The following PCDH7 variants were observed in gnomAD, a reference collection of about 807,000 sequenced individuals.
PCDH7 encodes the protein protocadherin-7.
PCDH7 carries 17 observed loss-of-function variants against 58.9 expected under a neutral mutation model. The ratio of observed to expected loss-of-function variants is 0.29; its 90% CI spans 0.20 to 0.43. PCDH7 has a LOEUF of 0.43. PCDH7 is among the 20% of genes least tolerant of loss of function. PCDH7 has a pLI of 1.00. For synonymous variants in PCDH7, 664 were observed against 616.4 expected (o/e 1.08, Z -1.14); for missense variants, 1,274 against 1,441.0 (o/e 0.88, Z 1.88).
chr4:30,988,215 A>G (rs181803904), intron 3 of PCDH7, among the ~76,000 whole-genome samples: 152 of 152,322 alleles, frequency 1.0e-3, no homozygotes, highest in African/African-American at 3.6e-3. Context: ...ATGTGATAGG[A>G]AATGAGGGAT....
chr4:30,890,379 G>A (rs568555006), intron 1 of PCDH7, among the ~76,000 whole-genome samples: 2 of 151,518 alleles, frequency 1.3e-5, no homozygotes, highest in African/African-American at 4.8e-5. Context: ...CATTTTAATT[G>A]CATGCTTAAC....
chr4:30,759,291 C>G (rs1719730784), intron 1 of PCDH7, among the ~76,000 whole-genome samples: 2 of 152,058 alleles, frequency 1.3e-5, no homozygotes, highest in African/African-American at 4.8e-5. Flanking sequence ...CAGCATTCTT[C>G]TTTATGGATA....
intron 3 of PCDH7, among the ~76,000 whole-genome samples, chr4:31,137,411 C>A (rs1199918112): frequency 6.6e-6 from 1 of 152,078 alleles, no homozygotes; most frequent in African/African-American, 2.4e-5. Context: ...GGCCAAACCT[C>A]ATCTCTACTA....
chr4:30,835,006 A>T (rs534547688), intron 1 of PCDH7, among the ~76,000 whole-genome samples: 1 of 152,244 alleles, frequency 6.6e-6, no homozygotes, highest in South Asian at 2.1e-4. Flanking sequence ...AAGTGAGAAT[A>T]GGAGAGCCAT....
At chr4:31,031,947 A>G (rs1180949451) in intron 3 of PCDH7, among the ~76,000 whole-genome samples, 1 of 152,214 alleles carries the variant, frequency 6.6e-6, no homozygotes, top group Non-Finnish European at 1.5e-5. Flanking sequence ...ATTACACATA[A>G]GTAGTACGTA....
chr4:30,853,995 T>C (rs1733122147), intron 1 of PCDH7, among the ~76,000 whole-genome samples: 1 of 152,018 alleles, frequency 6.6e-6, no homozygotes, highest in South Asian at 2.1e-4. Flanking sequence ...GTGATGATAG[T>C]AAATACCAGT....
intron 1 of PCDH7, among the ~76,000 whole-genome samples, chr4:30,849,038 T>C (rs565671271): frequency 1.5e-4 from 23 of 152,308 alleles, no homozygotes; most frequent in Admixed American, 1.1e-3. Context: ...TTAATAACAC[T>C]TATGGCCTTT....
At chr4:30,953,085 T>C (rs1747523204) in intron 3 of PCDH7, among the ~76,000 whole-genome samples, 1 of 152,124 alleles carries the variant, frequency 6.6e-6, no homozygotes, top group Non-Finnish European at 1.5e-5. Flanking sequence ...ACAAATCCCG[T>C]CTTAGATTGT....
chr4:31,053,839 T>C (rs1041603195), intron 3 of PCDH7, among the ~76,000 whole-genome samples: 2 of 151,932 alleles, frequency 1.3e-5, no homozygotes, highest in Non-Finnish European at 2.9e-5. Context: ...TAACAAAGTA[T>C]ATAAAATAAT....
chr4:31,067,265 C>T (rs1407394453), intron 3 of PCDH7, among the ~76,000 whole-genome samples: 1 of 151,296 alleles, frequency 6.6e-6, no homozygotes, highest in Non-Finnish European at 1.5e-5. Flanking sequence ...TGATTGGGAC[C>T]TACAACAAGG....
At chr4:30,878,433 G>T (rs896525021) in intron 1 of PCDH7, among the ~76,000 whole-genome samples, 3 of 152,110 alleles carry the variant, frequency 2.0e-5, no homozygotes, top group African/African-American at 7.2e-5. Flanking sequence ...TGTACTAGGA[G>T]GGAGAATGGT....
chr4:31,142,561 G>T (rs571031418), exon 4 of PCDH7: 28 of 1,367,494 alleles, frequency 2.0e-5, no homozygotes, highest in Non-Finnish European at 2.6e-5. Context: ...GCTGGATGCC[G>T]GTCCGCACTT....
intron 3 of PCDH7, among the ~76,000 whole-genome samples, chr4:31,004,292 A>G (rs1383342132): frequency 6.6e-6 from 1 of 152,218 alleles, no homozygotes; most frequent in East Asian, 1.9e-4. Context: ...CCGGCCTGAA[A>G]AAAAGTCACA....
At chr4:30,992,250 T>C (rs1373646633) in intron 3 of PCDH7, among the ~76,000 whole-genome samples, 2 of 152,204 alleles carry the variant, frequency 1.3e-5, no homozygotes, top group Non-Finnish European at 2.9e-5. Context: ...GGTCATATGA[T>C]GCAACATGTC....
intron 1 of PCDH7, among the ~76,000 whole-genome samples, chr4:30,840,921 G>C (rs1731133969): frequency 6.6e-6 from 1 of 151,088 alleles, no homozygotes; most frequent in African/African-American, 2.4e-5. Flanking sequence ...CCAAGAGTTT[G>C]CTTTCTCATA....
intron 1 of PCDH7, among the ~76,000 whole-genome samples, chr4:30,780,736 T>C (rs1446051618): frequency 1.3e-5 from 2 of 152,184 alleles, no homozygotes; most frequent in Admixed American, 1.3e-4. Flanking sequence ...GTACGTCTAA[T>C]TGAGGATGTT....
chr4:30,790,011 C>A lies in PCDH7; in HGVS notation c.70+65415C>A, dbSNP rs148987791. 1.4e-3 allele frequency among the ~76,000 whole-genome samples: 209 copies of A among 152,262 alleles called. 1 individual carries two copies. The highest frequency in any genetic ancestry group is 4.6e-3 in the African/African-American group (192 of 41,554). ...CCAACTGAAAACTTATGTGCAGAAT[C>A]CATCATTAGATTTGGACTCGCATGA... On this transcript the variant is annotated intron_variant, in intron 1 of 3. Coordinates refer to the PCDH7 transcript ENST00000509759.
At chr4:30,749,076 C>T (rs975295275) in intron 1 of PCDH7, among the ~76,000 whole-genome samples, 12 of 152,104 alleles carry the variant, frequency 7.9e-5, no homozygotes, top group Non-Finnish European at 1.5e-4. Context: ...GGCATTTAGT[C>T]GTAGCTTCCT....
intron 3 of PCDH7, among the ~76,000 whole-genome samples, chr4:31,040,666 AT>A (rs1340267042): frequency 2.0e-5 from 3 of 152,200 alleles, no homozygotes; most frequent in African/African-American, 7.2e-5. Context: ...TCAGCAGTTC[AT>A]TAGGTAAGCC....
Sources: allele counts gnomAD v4.1 joint callset (sites outside exome capture counted in the v4.1 genomes callset), GRCh38; gene constraint gnomAD v4.1.1; transcripts MANE v1.5; gene names NCBI Gene and HGNC (gene_info 2026-07-23, HGNC 2026-07-21).